The following ABCA1 variants were observed in gnomAD, a reference collection of about 807,000 sequenced individuals.
The protein encoded by ABCA1 is ATP binding cassette subfamily A member 1.
ABCA1 carries 133 observed loss-of-function variants against 262.5 expected under a neutral mutation model. The observed-to-expected ratio is 0.51, with a 90% CI of 0.44 to 0.59. The LOEUF is 0.59. Among genes scored for constraint, ABCA1 ranks in the 20% least tolerant of loss-of-function variants. The pLI, the probability that ABCA1 is intolerant of heterozygous loss-of-function variation, is 0.00. For synonymous variants in ABCA1, 1,022 were observed against 1,043.5 expected (o/e 0.98, Z 0.40); for missense variants, 2,452 against 2,777.5 (o/e 0.88, Z 2.63).
rs142664016 is a variant in ABCA1 at position 104,869,551 on chromosome 9, G to A, written c.422-7751C>T. Among the ~76,000 whole-genome samples, 769 of 152,308 alleles carry A rather than the reference G, an allele frequency of 5.0e-3. 6 individuals carry two copies. The highest frequency in any genetic ancestry group is 9.2e-3 in the Non-Finnish European group (623 of 68,030). Reference sequence around the variant, plus strand: ...TGCTCTGCTGTCTTCTTGAAGAATAGACGATGCCTGCTTCACCAATAGCTG... The same window carrying A: ...TGCTCTGCTGTCTTCTTGAAGAATAAACGATGCCTGCTTCACCAATAGCTG... On this transcript the variant is annotated intron_variant, in intron 5 of 49. Transcript: ENST00000374736.
intron 5 of ABCA1, among the ~76,000 whole-genome samples, chr9:104,872,575 G>A (rs181946067): frequency 6.6e-6 from 1 of 152,186 alleles, no homozygotes; most frequent in African/African-American, 2.4e-5. Context: ...ATTTGCCCCT[G>A]CTAGTGCTGT....
intron 2 of ABCA1, among the ~76,000 whole-genome samples, chr9:104,896,684 A>G (rs753927189): frequency 1.4e-5 from 2 of 147,240 alleles, no homozygotes; most frequent in Non-Finnish European, 3.0e-5. Flanking sequence ...GACCAAATGA[A>G]TAACTCCAAA....
At chr9:104,871,305 T>C (rs948658956) in intron 5 of ABCA1, among the ~76,000 whole-genome samples, 2 of 152,176 alleles carry the variant, frequency 1.3e-5, no homozygotes, top group African/African-American at 2.4e-5. Context: ...CTATTGTGTA[T>C]AAATTACTCA....
In ABCA1 at chr9:104,862,653, CCGG is replaced by C. The variant is rs1265742117; in HGVS notation, c.422-856_422-854del. Among the ~76,000 whole-genome samples the C allele has an allele frequency of 3.6e-3, 13 of 3,584 alleles. 1 individual carries two copies. The highest frequency in any genetic ancestry group is 0.043 in the South Asian group (2 of 46). The allele number at this position is 3,584 out of a possible 152,430, so 2.4% of individuals were successfully genotyped here. A position where few individuals can be genotyped will look rare whatever the true frequency, so the allele number is the denominator to read the frequency against. On this transcript the variant is annotated intron_variant, in intron 5 of 49. Transcript: ENST00000374736. ...GACTGCCGGGCCGGGCCGGGCCGGG[CCGG>C]GCCGGGCCGGGCCGGGCCGGGCCGG...
At chr9:104,833,471 C>T (rs1038441169) in intron 11 of ABCA1, among the ~76,000 whole-genome samples, 18 of 152,194 alleles carry the variant, frequency 1.2e-4, no homozygotes, top group Admixed American at 5.2e-4. Flanking sequence ...CACAAGCCAC[C>T]AGCCCAGTGA....
intron 6 of ABCA1, among the ~76,000 whole-genome samples, chr9:104,859,993 G>A (rs1287294631): frequency 6.7e-6 from 1 of 148,236 alleles, no homozygotes; most frequent in African/African-American, 2.5e-5. Context: ...GGCAGAGGTT[G>A]TAGTGAGCTG....
At chr9:104,897,951 C>A (rs1206497875) in intron 2 of ABCA1, among the ~76,000 whole-genome samples, 1 of 152,146 alleles carries the variant, frequency 6.6e-6, no homozygotes, top group Admixed American at 6.5e-5. Context: ...GAAATTGCAA[C>A]GCATACACCT....
chr9:104,804,038 C>T (rs1023505229), intron 32 of ABCA1, among the ~76,000 whole-genome samples: 2 of 152,202 alleles, frequency 1.3e-5, no homozygotes, highest in African/African-American at 4.8e-5. Context: ...TGAGATACTC[C>T]TAACTGAAAG....
chr9:104,805,153 C>T (rs904711694), intron 31 of ABCA1, among the ~76,000 whole-genome samples: 13 of 152,214 alleles, frequency 8.5e-5, no homozygotes, highest in African/African-American at 2.4e-4. Flanking sequence ...TGGCTCCCTG[C>T]GACCTCCACC....
Position 104,862,641 on chromosome 9 carries a change from G to GCCCCCCA in ABCA1, c.422-842_422-841insTGGGGGG, listed in dbSNP as rs1564197815. Reference sequence around the variant, plus strand: ...TGTTAAAATGCAGACTGCCGGGCCGGGCCGGGCCGGGCCGGGCCGGGCCGG... The same window carrying GCCCCCCA: ...TGTTAAAATGCAGACTGCCGGGCCGGCCCCCCAGCCGGGCCGGGCCGGGCCGGGCCGG... On this transcript the variant is annotated intron_variant, in intron 5 of 49. Coordinates refer to ENST00000374736, the MANE Select transcript of ABCA1 (RefSeq NM_005502.4). 5.0e-3 allele frequency among the ~76,000 whole-genome samples: 10 copies of GCCCCCCA among 2,014 alleles called. 1 individual carries two copies. Among genetic ancestry groups the GCCCCCCA allele is most frequent in the South Asian group, 0.025 (1 of 40 alleles). The allele number at this position is 2,014 out of a possible 152,430, so 1.3% of individuals were successfully genotyped here. A position where few individuals can be genotyped will look rare whatever the true frequency, so the allele number is the denominator to read the frequency against.
At position 104,817,124 on chromosome 9, in the gene ABCA1, A is replaced by G; in HGVS notation, c.3535+208T>C. 1.3e-6 allele frequency: 1 copy of G among 777,462 alleles called. No individual in the cohort carries two copies. Among genetic ancestry groups the G allele is most frequent in the Non-Finnish European group, 1.6e-6 (1 of 640,410 alleles). The allele number at this position is 777,462 out of a possible 1,614,324, so 48.2% of individuals were successfully genotyped here. ...CAGCTCTCTGGGACACTGCCCTGCT[A>G]GCTCCCAAACCGAGCCCCAGGCACC... On this transcript the variant is annotated intron_variant, in intron 24 of 49. Coordinates refer to ENST00000374736, the MANE Select transcript of ABCA1 (RefSeq NM_005502.4). This position sits in a 1 kb window ranked among gnomAD's most constrained non-coding sequence, Gnocchi z 4.7.
intron 1 of ABCA1, among the ~76,000 whole-genome samples, chr9:104,919,448 A>T (rs573811178): frequency 1.4e-4 from 21 of 152,096 alleles, no homozygotes; most frequent in Non-Finnish European, 2.2e-4. Context: ...CGTCTCTATT[A>T]AAAAAATACA....
chr9:104,884,692 C>T lies in ABCA1; in HGVS notation c.161-124G>A. 3 of 1,154,520 alleles carry T rather than the reference C, an allele frequency of 2.6e-6. No homozygotes were observed. The South Asian group carries it at 3.9e-5, about 15-fold the overall frequency. The allele number at this position is 1,154,520 out of a possible 1,614,324, so 71.5% of individuals were successfully genotyped here. ...CGTCCCATTCCCCACATCCCAGAGA[C>T]CTGTCTCTTCTGAATAAAACTGACT... On this transcript the variant is annotated intron_variant, in intron 3 of 49. Coordinates refer to ENST00000374736, the MANE Select transcript of ABCA1 (RefSeq NM_005502.4).
chr9:104,856,935 G>A (rs1459966600), intron 7 of ABCA1, among the ~76,000 whole-genome samples: 1 of 152,180 alleles, frequency 6.6e-6, no homozygotes, highest in African/African-American at 2.4e-5. Flanking sequence ...GTCTGCACAA[G>A]TCAGCTTCTC....
In ABCA1 at chr9:104,862,631, T is replaced by TGCTGGGCCGGGCCGGGCCGG. The variant is rs1294855458; in HGVS notation, c.422-832_422-831insCCGGCCCGGCCCGGCCCAGC. On this transcript the variant is annotated intron_variant, in intron 5 of 49. Transcript: ENST00000374736. ...CTGGAGAGCTTGTTAAAATGCAGAC[T>TGCTGGGCCGGGCCGGGCCGG]GCCGGGCCGGGCCGGGCCGGGCCGG... is the stretch of plus-strand genomic sequence containing the variant. Among the ~76,000 whole-genome samples, 7 of 22,942 alleles carry TGCTGGGCCGGGCCGGGCCGG rather than the reference T, an allele frequency of 3.1e-4. 3 individuals carry two copies. The highest frequency in any genetic ancestry group is 3.8e-4 in the Non-Finnish European group (5 of 13,184). 15.1% of individuals were successfully genotyped at this position (22,942 alleles called of 152,430 possible). A position where few individuals can be genotyped will look rare whatever the true frequency, so the allele number is the denominator to read the frequency against.
Position 104,817,193 on chromosome 9 carries a change from C to T in ABCA1, c.3535+139G>A. On this transcript the variant is annotated intron_variant, in intron 24 of 49. Coordinates refer to ENST00000374736, the MANE Select transcript of ABCA1 (RefSeq NM_005502.4). This position sits in a 1 kb window ranked among gnomAD's most constrained non-coding sequence, Gnocchi z 4.7. The stretch of plus-strand genomic sequence containing the variant: ...ACCCGCCACCAAGCTGCTCCCACAC[C>T]CGCAGCCACCCAGCCCCAGCCCAGC... 6.4e-7 allele frequency: 1 copy of T among 1,561,168 alleles called. No individual in the cohort carries two copies. The highest frequency in any genetic ancestry group is 8.6e-7 in the Non-Finnish European group (1 of 1,158,094).
At chr9:104,816,452 C>T (rs1831774258) in intron 24 of ABCA1, 107 bp from the exon 25 acceptor site, 1 of 1,037,418 alleles carries the variant, frequency 9.6e-7, no homozygotes, top group Non-Finnish European at 1.5e-6. Context: ...TCATACACCA[C>T]ACCTGTTCCA....
Position 104,858,563 on chromosome 9 carries a change from G to T in ABCA1, c.679C>A (p.Arg227=), listed in dbSNP as rs976402066. 1.2e-6 allele frequency: 2 copies of T among 1,613,992 alleles called. No individual in the cohort carries two copies. The highest frequency in any genetic ancestry group is 1.1e-5 in the South Asian group (1 of 91,082). ...ATGTCCATGTTGGAACGAAGTACTC[G>T]CTCTGCTGCAGCCAGTTTCTCCCTT... The part of the protein sequence containing the change: ...LPREKLAAAE[R]VLRSNMDILK... Residue 227 remains arginine, a synonymous_variant, in exon 7 of 50, where the codon CGA becomes AGA. Transcript: ENST00000374736.
At chr9:104,842,817 T>G (rs1436507611) in intron 8 of ABCA1, among the ~76,000 whole-genome samples, 1 of 152,022 alleles carries the variant, frequency 6.6e-6, no homozygotes, top group Non-Finnish European at 1.5e-5. Flanking sequence ...TCATGTCCCC[T>G]CCCTCAAGCC....
Sources: allele counts gnomAD v4.1 joint callset (sites outside exome capture counted in the v4.1 genomes callset), GRCh38; gene constraint gnomAD v4.1.1; non-coding constraint Gnocchi (gnomAD v3.1); transcripts MANE v1.5; gene names NCBI Gene and HGNC (gene_info 2026-07-23, HGNC 2026-07-21).